DCDC2: variants seen among roughly 807,000 people sequenced by gnomAD.
The protein encoded by DCDC2 is doublecortin domain containing 2, also known as doublecortin domain-containing protein 2.
In DCDC2, 40 loss-of-function variants were observed where a neutral mutation model predicts 50.2. That is an observed-to-expected ratio of 0.80 (90% CI 0.62 to 1.04). The LOEUF is 1.04. DCDC2 is among the 50% of genes least tolerant of loss of function. The pLI is 0.00. For synonymous variants in DCDC2, 234 were observed against 210.6 expected, an observed-to-expected ratio of 1.11 and a Z score of -0.96; for missense variants, 570 against 581.9, an observed-to-expected ratio of 0.98 and a Z score of 0.21.
At position 24,186,484 on chromosome 6, in the gene DCDC2, C is replaced by T. The variant is rs572068764; in HGVS notation, c.1024-7852G>A. ...AAACACACATACCTGCGTGCACATG[C>T]GTGCATGTGCGCACACACACACTTC... On this transcript the variant is annotated intron_variant, in intron 8 of 9. Coordinates refer to ENST00000378454, the MANE Select transcript of DCDC2 (RefSeq NM_016356.5). Among the ~76,000 whole-genome samples the T allele has an allele frequency of 1.4e-4, 21 of 152,274 alleles. No individual in the cohort carries two copies. The South Asian group carries it at 2.5e-3, about 18-fold the overall frequency.
chr6:24,183,060 C>A (rs1285640776), intron 8 of DCDC2, among the ~76,000 whole-genome samples: 1 of 152,104 alleles, frequency 6.6e-6, no homozygotes, highest in Non-Finnish European at 1.5e-5. Flanking sequence ...AAGACAAATA[C>A]TGTATGATTC....
intron 4 of DCDC2, among the ~76,000 whole-genome samples, chr6:24,299,062 A>G (rs1305355027): frequency 6.6e-6 from 1 of 152,232 alleles, no homozygotes; most frequent in Admixed American, 6.5e-5. Flanking sequence ...TGCTATTCAC[A>G]ATAGCAAAGA....
rs1160395718 is a variant in DCDC2 at position 24,246,164 on chromosome 6, A to G, written c.922+31885T>C. 1.3e-5 allele frequency among the ~76,000 whole-genome samples: 2 copies of G among 152,134 alleles called. 1 individual carries two copies. The highest frequency in any genetic ancestry group is 2.9e-5 in the Non-Finnish European group (2 of 68,022). On this transcript the variant is annotated intron_variant, in intron 7 of 9. Transcript: ENST00000378454. ...TAAGAAAATCACCAAAAGGCAACAGACAAAAGAGATAAAAACAAACAAACA... is the reference window on the plus strand; with the variant it reads ...TAAGAAAATCACCAAAAGGCAACAGGCAAAAGAGATAAAAACAAACAAACA...
At chr6:24,359,171 A>T (rs1427039437), upstream of DCDC2, among the ~76,000 whole-genome samples, 179 of 63,292 alleles carry the variant, frequency 2.8e-3, 4 homozygotes, top group Admixed American at 4.1e-3. Context: ...TATATATTTT[A>T]TATATATTTT....
intron 7 of DCDC2, among the ~76,000 whole-genome samples, chr6:24,224,052 G>A (rs905733656): frequency 2.0e-5 from 3 of 151,552 alleles, no homozygotes; most frequent in Admixed American, 6.6e-5. Context: ...ACAGATTCCC[G>A]CCAACCCTCT....
chr6:24,297,860 A>T (rs1759286256), intron 4 of DCDC2, among the ~76,000 whole-genome samples: 1 of 152,260 alleles, frequency 6.6e-6, no homozygotes, highest in South Asian at 2.1e-4. Context: ...AACAAGTCAT[A>T]AAACGTAGTG....
intron 8 of DCDC2, among the ~76,000 whole-genome samples, chr6:24,185,029 C>G (rs1053596603): frequency 6.6e-6 from 1 of 152,190 alleles, no homozygotes; most frequent in African/African-American, 2.4e-5. Flanking sequence ...AAGAAAATGT[C>G]TATTTTCCTC....
chr6:24,296,517 A>C (rs1759246455), intron 4 of DCDC2, among the ~76,000 whole-genome samples: 1 of 152,230 alleles, frequency 6.6e-6, no homozygotes, highest in African/African-American at 2.4e-5. Context: ...AGAAACTATC[A>C]ACAGAGTAAA....
intron 6 of DCDC2, among the ~76,000 whole-genome samples, chr6:24,284,183 T>C (rs1330566801): frequency 6.6e-6 from 1 of 152,180 alleles, no homozygotes; most frequent in Non-Finnish European, 1.5e-5. Flanking sequence ...TTATAATAGA[T>C]GTCCGCCCCC....
chr6:24,178,570 C>G lies in DCDC2; in HGVS notation c.1086G>C (p.Gln362His). 6.2e-7 allele frequency: 1 copy of G among 1,614,150 alleles called. No individual in the cohort carries two copies. The highest frequency in any genetic ancestry group is 8.5e-7 in the Non-Finnish European group (1 of 1,180,022). ...CATTCATTCCTGAAAAGTCTTCTTT[C>G]TGTTCTGCATCCTTGTTTGCCTTCT... ...DGEKANKDAE[Q>H]KEDFSGMNGD... The change falls in exon 9 of 10, where the codon CAG becomes CAC. Residue 362 changes from glutamine (Q) to histidine (H), a missense_variant. By Grantham distance (24) the Gln-to-His change is conservative. Transcript: ENST00000378454.
the DCDC2 span, among the ~76,000 whole-genome samples, chr6:24,374,161 CAAAA>C: frequency 3.4e-5 from 2 of 59,046 alleles, no homozygotes; most frequent in Admixed American, 2.0e-4. Context: ...GACTCCATTT[CAAAA>C]AAAAAAAAAA....
chr6:24,228,540 T>C (rs1762279133), intron 7 of DCDC2, among the ~76,000 whole-genome samples: 1 of 152,238 alleles, frequency 6.6e-6, no homozygotes, highest in Non-Finnish European at 1.5e-5. Context: ...GAAAGATTTT[T>C]CTAATGCATT....
At chr6:24,310,137 G>A (rs1454073416) in intron 2 of DCDC2, among the ~76,000 whole-genome samples, 3 of 152,088 alleles carry the variant, frequency 2.0e-5, no homozygotes, top group African/African-American at 4.8e-5. Flanking sequence ...TAGTAGATTT[G>A]TATTAAAGTG....
At chr6:24,202,971 C>G (rs1372821303) in intron 8 of DCDC2, among the ~76,000 whole-genome samples, 1 of 152,076 alleles carries the variant, frequency 6.6e-6, no homozygotes, top group East Asian at 1.9e-4. Context: ...AACCACTGCC[C>G]AAGCAAATAA....
intron 7 of DCDC2, among the ~76,000 whole-genome samples, chr6:24,254,641 G>A (rs973825004): frequency 6.6e-6 from 1 of 152,096 alleles, no homozygotes; most frequent in African/African-American, 2.4e-5. Flanking sequence ...AAGTGAAAGT[G>A]ACAGGCATTC....
chr6:24,249,899 A>G (rs1762762318), intron 7 of DCDC2, among the ~76,000 whole-genome samples: 1 of 152,218 alleles, frequency 6.6e-6, no homozygotes, highest in South Asian at 2.1e-4. Flanking sequence ...CTGTTTCAGA[A>G]GGGAATCACT....
rs1157837982 is a variant in DCDC2 at position 24,171,824 on chromosome 6, T to C, written c.*2906A>G. 1 of 152,206 alleles carries C rather than the reference T, an allele frequency of 6.6e-6. No homozygotes were observed. Among genetic ancestry groups the C allele is most frequent in the Non-Finnish European group, 1.5e-5 (1 of 68,022 alleles). The allele number at this position is 152,206 out of a possible 1,614,324, so 9.4% of individuals were successfully genotyped here. ...ATGCCCCAATTTTACTAACAAACCA[T>C]TTGTTTACAAGTGTCTTAAAATCCA... On this transcript the variant is annotated 3_prime_UTR_variant, in exon 10 of 10. Transcript: ENST00000378454.
chr6:24,372,924 T>C, the DCDC2 span, among the ~76,000 whole-genome samples: 1 of 150,828 alleles, frequency 6.6e-6, no homozygotes, highest in African/African-American at 2.4e-5. Flanking sequence ...AATAAAAAAA[T>C]AAAACAAAAA....
intron 8 of DCDC2, among the ~76,000 whole-genome samples, chr6:24,195,870 G>A (rs1761423080): frequency 6.6e-6 from 1 of 152,140 alleles, no homozygotes; most frequent in African/African-American, 2.4e-5. Flanking sequence ...TCACAAGATG[G>A]GCAGAATCAC....
Sources: gnomAD v4.1 joint callset for allele counts (sites outside exome capture counted in the v4.1 genomes callset) on GRCh38, gnomAD v4.1.1 for gene constraint, MANE v1.5 for transcripts, NCBI Gene and HGNC (gene_info 2026-07-23, HGNC 2026-07-21) for gene names.